ACP7: variants seen among roughly 807,000 people sequenced by gnomAD.
ACP7 encodes the protein acid phosphatase 7, tartrate resistant (putative).
In ACP7, 58 loss-of-function variants were observed where a neutral mutation model predicts 60.6. That is an observed-to-expected ratio of 0.96 (90% CI 0.77 to 1.19). The LOEUF (loss-of-function observed/expected upper bound fraction) is 1.19, where lower values mean the gene tolerates loss of function less well. Among genes scored for constraint, ACP7 ranks in the 50% most tolerant of loss-of-function variants. The pLI is 0.00. For missense variants in ACP7, 574 were observed against 596.2 expected (o/e 0.96, Z 0.39); for synonymous variants, 237 against 232.6 (o/e 1.02, Z -0.17).
chr19:39,102,759 C>CTTTCTTTG (rs1163169313), intron 11 of ACP7, among the ~76,000 whole-genome samples: 1 of 84,406 alleles, frequency 1.2e-5, no homozygotes, highest in Non-Finnish European at 2.5e-5. Context: ...TTCTTTCTTT[C>CTTTCTTTG]TTTCTTTCTC....
chr19:39,099,011 C>A lies in ACP7; in HGVS notation c.374C>A (p.Ala125Asp). ...QGWSRRFRFRALKNGAHWSPR... is the reference protein window; with the variant it reads ...QGWSRRFRFRDLKNGAHWSPR... ...TGGAGCCGTCGGTTCCGCTTCAGGGCCCTCAAGAATGGGGCCCACTGGAGT... is the reference window on the plus strand; with the variant it reads ...TGGAGCCGTCGGTTCCGCTTCAGGGACCTCAAGAATGGGGCCCACTGGAGT... The change falls in exon 4 of 13, where the codon GCC becomes GAC. Residue 125 changes from alanine (A) to aspartate (D), a missense_variant. Coordinates refer to ENST00000331256, the MANE Select transcript of ACP7 (RefSeq NM_001004318.3). 1 of 1,613,714 alleles carries A rather than the reference C, an allele frequency of 6.2e-7. No homozygotes were observed.
At chr19:39,100,100 A>G in intron 4 of ACP7, 127 bp from the exon 5 acceptor site, 2 of 1,332,076 alleles carry the variant, frequency 1.5e-6, no homozygotes, top group Non-Finnish European at 2.0e-6. Flanking sequence ...GGCTCAAGTG[A>G]TACTCTTGCC....
intron 2 of ACP7, among the ~76,000 whole-genome samples, chr19:39,085,828 C>T (rs2073135407): frequency 6.6e-6 from 1 of 152,194 alleles, no homozygotes; most frequent in Non-Finnish European, 1.5e-5. Context: ...GATTAGGATC[C>T]TTCCACTGTG....
intron 11 of ACP7, among the ~76,000 whole-genome samples, chr19:39,102,903 T>A (rs7259794): frequency 0.52 from 78,470 of 150,324 alleles, 21,469 homozygotes; most frequent in East Asian, 0.64. Flanking sequence ...AGTGGCACGA[T>A]CTCGGCTCAA....
At position 39,101,169 on chromosome 19, in the gene ACP7, G is replaced by A. The variant is rs769332771; in HGVS notation, c.935G>A (p.Gly312Asp). ...HESKVRKGLQGKLYGLEDLFY... is the reference protein window; with the variant it reads ...HESKVRKGLQDKLYGLEDLFY... ...GCCCAGGTCCGCAAAGGCCTCCAAGGCAAGCTGTACGGGTTGGAGGATCTT... is the reference window on the plus strand; with the variant it reads ...GCCCAGGTCCGCAAAGGCCTCCAAGACAAGCTGTACGGGTTGGAGGATCTT... Residue 312 changes from glycine (G) to aspartate (D), a missense_variant, in exon 9 of 13, where the codon GGC becomes GAC. Coordinates refer to ENST00000331256, the MANE Select transcript of ACP7 (RefSeq NM_001004318.3). The A allele has an allele frequency of 9.9e-6, 16 of 1,614,014 alleles. No homozygotes were observed. The Admixed American group carries it at 2.7e-4, about 27-fold the overall frequency.
In ACP7 at chr19:39,106,990, CCTGG is replaced by C. The variant is rs753332980; in HGVS notation, c.1158_1161del (p.Trp387ValfsTer5). On this transcript the variant is annotated frameshift_variant, in exon 12 of 13. Transcript: ENST00000331256. LOFTEE classifies it high-confidence loss of function. Reference sequence around the variant, plus strand: ...ACGCCCTTTGCTGTCTTCCCGAGGCCCTGGAGTGCCGTGCGTGTGAAGGAGTACG... The same window carrying C: ...ACGCCCTTTGCTGTCTTCCCGAGGCCAGTGCCGTGCGTGTGAAGGAGTACG... 9 of 1,613,930 alleles carry C rather than the reference CCTGG, an allele frequency of 5.6e-6. No homozygotes were observed. The highest frequency in any genetic ancestry group is 6.8e-6 in the Non-Finnish European group (8 of 1,180,026).
chr19:39,084,618 T>C (rs956508097), intron 1 of ACP7, among the ~76,000 whole-genome samples: 1 of 149,972 alleles, frequency 6.7e-6, no homozygotes, highest in African/African-American at 2.5e-5. Flanking sequence ...TGTGGGAGGA[T>C]TGGGGTCACT....
chr19:39,098,776 C>A, intron 3 of ACP7, 118 bp downstream of exon 3: 1 of 1,360,938 alleles, frequency 7.3e-7, no homozygotes, highest in Non-Finnish European at 9.9e-7. Flanking sequence ...TGCCTATCTG[C>A]AAGCCTGTTG....
At chr19:39,090,193 G>T (rs542400028) in intron 2 of ACP7, among the ~76,000 whole-genome samples, 1 of 151,938 alleles carries the variant, frequency 6.6e-6, no homozygotes, top group African/African-American at 2.4e-5. Flanking sequence ...TTTTGAGACG[G>T]AGTCTTGCTC....
At chr19:39,099,255 G>C (rs751080061) in intron 4 of ACP7, 113 bp downstream of exon 4, 2 of 1,207,982 alleles carry the variant, frequency 1.7e-6, no homozygotes, top group African/African-American at 3.2e-5. Flanking sequence ...ACCGTGGAGG[G>C]GACAGGGCTG....
chr19:39,105,942 T>C (rs1236327968), intron 11 of ACP7, among the ~76,000 whole-genome samples: 2 of 152,214 alleles, frequency 1.3e-5, no homozygotes, highest in African/African-American at 4.8e-5. Flanking sequence ...ATCTCCACCA[T>C]AAAGTGACTC....
chr19:39,101,563 C>T (rs1397366689), intron 11 of ACP7, 26 bp downstream of exon 11: 1 of 1,603,386 alleles, frequency 6.2e-7, no homozygotes. Context: ...GGTGGCTTTG[C>T]CTTCTCTCTC....
At chr19:39,106,719 T>C (rs1344358403) in intron 11 of ACP7, among the ~76,000 whole-genome samples, 1 of 152,176 alleles carries the variant, frequency 6.6e-6, no homozygotes, top group African/African-American at 2.4e-5. Flanking sequence ...AGACAGGGTT[T>C]CACCATGTTG....
intron 2 of ACP7, among the ~76,000 whole-genome samples, chr19:39,092,502 T>C (rs1189373778): frequency 6.6e-6 from 1 of 152,118 alleles, no homozygotes; most frequent in Non-Finnish European, 1.5e-5. Flanking sequence ...AATACCCAGT[T>C]AGGACACTGT....
intron 2 of ACP7, among the ~76,000 whole-genome samples, chr19:39,091,477 T>C (rs1025544731): frequency 6.6e-6 from 1 of 152,152 alleles, no homozygotes; most frequent in African/African-American, 2.4e-5. Flanking sequence ...TTCCTTTTTA[T>C]TGGAGTATTT....
chr19:39,086,631 A>G (rs2073144534), intron 2 of ACP7, among the ~76,000 whole-genome samples: 1 of 118,078 alleles, frequency 8.5e-6, no homozygotes, highest in African/African-American at 3.0e-5. Flanking sequence ...CCCTGTCTCA[A>G]AAAAAAAAAA....
chr19:39,108,063 C>T (rs568635364), intron 12 of ACP7, among the ~76,000 whole-genome samples: 9 of 151,858 alleles, frequency 5.9e-5, no homozygotes, highest in East Asian at 5.8e-4. Flanking sequence ...AACAAAAAAA[C>T]GAACAAATGT....
rs748070037 is a variant in ACP7, at chr19:39,110,091, CCT to C, written c.1291_1292del (p.Leu431ValfsTer51). On this transcript the variant is annotated frameshift_variant, in exon 13 of 13. Coordinates refer to ENST00000331256, the MANE Select transcript of ACP7 (RefSeq NM_001004318.3). LOFTEE classifies it high-confidence loss of function. ...IVDDVWVVRPLFGRRMYL is the reference protein window; with the variant it reads ...IVDDVWVVRPXFGRRMYL ...TAGATGATGTCTGGGTGGTGAGACC[CCT>C]GTTTGGCCGGAGGATGTACCTCTAG... is the stretch of plus-strand genomic sequence containing the variant. 2 of 1,613,914 alleles carry C rather than the reference CCT, an allele frequency of 1.2e-6. No homozygotes were observed. Among genetic ancestry groups the C allele is most frequent in the East Asian group, 2.2e-5 (1 of 44,868 alleles).
chr19:39,099,674 A>T (rs905449849), intron 4 of ACP7, among the ~76,000 whole-genome samples: 1 of 151,982 alleles, frequency 6.6e-6, no homozygotes, highest in Non-Finnish European at 1.5e-5. Context: ...CAGTTTCCCC[A>T]TCTGAAATGG....
Sources: allele counts gnomAD v4.1 joint callset (sites outside exome capture counted in the v4.1 genomes callset), GRCh38; gene constraint gnomAD v4.1.1; transcripts MANE v1.5; gene names NCBI Gene and HGNC (gene_info 2026-07-23, HGNC 2026-07-21).